RPS6KC1: variants seen among roughly 807,000 people sequenced by gnomAD.
RPS6KC1 encodes inactive ribosomal protein S6 kinase delta-1.
In RPS6KC1, 54 loss-of-function variants were observed where a neutral mutation model predicts 103.8. The ratio of observed to expected loss-of-function variants is 0.52; its 90% confidence interval spans 0.42 to 0.65. RPS6KC1 has a LOEUF of 0.65. Among genes scored for constraint, RPS6KC1 ranks in the 30% least tolerant of loss-of-function variants. The pLI is 0.00. For synonymous variants in RPS6KC1, 439 were observed against 438.7 expected, an observed-to-expected ratio of 1.00 and a Z score of -0.01; for missense variants, 1,151 against 1,253.8, an observed-to-expected ratio of 0.92 and a Z score of 1.24.
the RPS6KC1 span, among the ~76,000 whole-genome samples, chr1:213,633,850 A>T: frequency 3.1e-5 from 4 of 127,520 alleles, no homozygotes; most frequent in East Asian, 7.8e-4. Flanking sequence ...GGGATGGAGG[A>T]AGATCTGCCA....
chr1:213,246,254 A>G (rs1217061330), intron 12 of RPS6KC1, among the ~76,000 whole-genome samples: 1 of 152,178 alleles, frequency 6.6e-6, no homozygotes, highest in Non-Finnish European at 1.5e-5. Context: ...AACATCATTC[A>G]TGGTAAATGG....
At chr1:213,379,910 A>G in the RPS6KC1 span, among the ~76,000 whole-genome samples, 1 of 152,192 alleles carries the variant, frequency 6.6e-6, no homozygotes, top group Non-Finnish European at 1.5e-5. Context: ...TGTGGAAGAT[A>G]GTGTGGCAAT....
At chr1:213,659,519 A>T in the RPS6KC1 span, among the ~76,000 whole-genome samples, 2 of 152,162 alleles carry the variant, frequency 1.3e-5, no homozygotes, top group Non-Finnish European at 1.5e-5. Flanking sequence ...GAAAATGGTC[A>T]TCATCACGTA....
In RPS6KC1 at chr1:213,078,207, A is replaced by G. The variant is rs201073137; in HGVS notation, c.262+391A>G. Among the ~76,000 whole-genome samples the G allele has an allele frequency of 9.7e-5, 14 of 144,032 alleles. No individual in the cohort carries two copies. The East Asian group carries it at 2.6e-3, about 27-fold the overall frequency. 94.5% of individuals were successfully genotyped at this position (144,032 alleles called of 152,430 possible). ...GGTTTTCTAGTATTTGCTTCTTGCA[A>G]CTTCTTTTTGATACCTTAGTATTCT... On this transcript the variant is annotated intron_variant, in intron 3 of 14. Coordinates refer to ENST00000366960, the MANE Select transcript of RPS6KC1 (RefSeq NM_012424.6).
the RPS6KC1 span, among the ~76,000 whole-genome samples, chr1:213,849,299 G>C: frequency 6.6e-6 from 1 of 152,114 alleles, no homozygotes; most frequent in Non-Finnish European, 1.5e-5. Context: ...GCTGTTAGGA[G>C]GTGAGCAACA....
At chr1:213,263,617 AAGTC>A (rs1166849929) in intron 14 of RPS6KC1, among the ~76,000 whole-genome samples, 2 of 152,208 alleles carry the variant, frequency 1.3e-5, no homozygotes, top group African/African-American at 2.4e-5. Flanking sequence ...TTAAAAAAAA[AAGTC>A]AGGGAAAACA....
the RPS6KC1 span, among the ~76,000 whole-genome samples, chr1:213,853,782 G>C: frequency 6.6e-6 from 1 of 152,156 alleles, no homozygotes; most frequent in African/African-American, 2.4e-5. Context: ...AGCCAGTCTG[G>C]AGTTGGCTGT....
At chr1:213,755,185 C>T in the RPS6KC1 span, among the ~76,000 whole-genome samples, 7 of 152,106 alleles carry the variant, frequency 4.6e-5, no homozygotes, top group Non-Finnish European at 1.0e-4. Flanking sequence ...CCAAGCTAGC[C>T]TCTGCTCAAT....
chr1:213,297,380 T>A, the RPS6KC1 span, among the ~76,000 whole-genome samples: 1 of 152,226 alleles, frequency 6.6e-6, no homozygotes, highest in Non-Finnish European at 1.5e-5. Flanking sequence ...TACCTGTGTG[T>A]GAACCGTGGC....
chr1:213,305,861 G>A, the RPS6KC1 span, among the ~76,000 whole-genome samples: 5 of 151,926 alleles, frequency 3.3e-5, no homozygotes, highest in South Asian at 2.1e-4. Context: ...CTTTTTCATC[G>A]ACTGACTTGA....
the RPS6KC1 span, among the ~76,000 whole-genome samples, chr1:213,527,977 T>G: frequency 1.3e-5 from 2 of 152,160 alleles, no homozygotes; most frequent in Non-Finnish European, 2.9e-5. Flanking sequence ...TGATTCATCA[T>G]AAAGGCCTTC....
the RPS6KC1 span, among the ~76,000 whole-genome samples, chr1:213,303,526 G>A: frequency 6.6e-6 from 1 of 152,082 alleles, no homozygotes; most frequent in South Asian, 2.1e-4. Context: ...TGGTGCAGGA[G>A]CTGTTTCTGG....
chr1:213,566,478 T>G, the RPS6KC1 span, among the ~76,000 whole-genome samples: 3 of 105,216 alleles, frequency 2.9e-5, no homozygotes, highest in South Asian at 3.2e-4. Flanking sequence ...TTTTTTTTTT[T>G]TTTTTTTTTT....
At chr1:213,439,035 C>T in the RPS6KC1 span, among the ~76,000 whole-genome samples, 1 of 151,972 alleles carries the variant, frequency 6.6e-6, no homozygotes, top group Non-Finnish European at 1.5e-5. Context: ...ACCTCATGAT[C>T]CACCCGCCTC....
chr1:213,287,017 C>T, the RPS6KC1 span, among the ~76,000 whole-genome samples: 1 of 151,928 alleles, frequency 6.6e-6, no homozygotes, highest in African/African-American at 2.4e-5. Flanking sequence ...GTAAGAGGAA[C>T]CAATAGATTA....
intron 6 of RPS6KC1, among the ~76,000 whole-genome samples, chr1:213,142,682 A>G (rs1572799871): frequency 6.6e-6 from 1 of 152,094 alleles, no homozygotes; most frequent in African/African-American, 2.4e-5. Flanking sequence ...AGCAACCACT[A>G]CCCTGATCAG....
chr1:213,634,220 C>G, the RPS6KC1 span, among the ~76,000 whole-genome samples: 1 of 152,172 alleles, frequency 6.6e-6, no homozygotes, highest in African/African-American at 2.4e-5. Flanking sequence ...AGCTCTGCAT[C>G]ACATGGACCT....
chr1:213,755,063 A>G, the RPS6KC1 span, among the ~76,000 whole-genome samples: 1 of 152,318 alleles, frequency 6.6e-6, no homozygotes, highest in South Asian at 2.1e-4. Flanking sequence ...TTAAGGTGAT[A>G]GTCATTATTA....
At chr1:213,669,080 G>A in the RPS6KC1 span, among the ~76,000 whole-genome samples, 1 of 152,118 alleles carries the variant, frequency 6.6e-6, no homozygotes, top group Non-Finnish European at 1.5e-5. Flanking sequence ...TATCATTCAT[G>A]TGTTCACTGG....
Sources: gnomAD v4.1 joint callset for allele counts (sites outside exome capture counted in the v4.1 genomes callset) on GRCh38, gnomAD v4.1.1 for gene constraint, MANE v1.5 for transcripts, NCBI Gene and HGNC (gene_info 2026-07-23, HGNC 2026-07-21) for gene names.